The following SLC35F4 variants were observed in gnomAD, a reference collection of about 807,000 sequenced individuals.
The protein encoded by SLC35F4 is chromosome 14 open reading frame 36.
SLC35F4 carries 24 observed loss-of-function variants against 44.2 expected under a neutral mutation model. That is an observed-to-expected ratio of 0.54 (90% CI 0.39 to 0.76). The LOEUF (loss-of-function observed/expected upper bound fraction) is 0.76. SLC35F4 is among the 30% of genes least tolerant of loss of function. The pLI is 0.00. For synonymous variants in SLC35F4, 238 were observed against 223.6 expected, an observed-to-expected ratio of 1.06 and a Z score of -0.57; for missense variants, 562 against 586.1, an observed-to-expected ratio of 0.96 and a Z score of 0.42.
intron 1 of SLC35F4, among the ~76,000 whole-genome samples, chr14:57,968,410 A>G (rs1880955505): frequency 6.6e-6 from 1 of 152,202 alleles, no homozygotes; most frequent in South Asian, 2.1e-4. Context: ...CTGCTGTCTG[A>G]TACTCCACAG....
At chr14:57,785,334 G>A (rs1161387137) in intron 1 of SLC35F4, among the ~76,000 whole-genome samples, 2 of 152,004 alleles carry the variant, frequency 1.3e-5, no homozygotes, top group East Asian at 1.9e-4. Flanking sequence ...ATAGATAATC[G>A]AGCCCTCCAT....
chr14:57,634,586 G>A (rs569040679), intron 1 of SLC35F4, among the ~76,000 whole-genome samples: 243 of 152,264 alleles, frequency 1.6e-3, no homozygotes, highest in Admixed American at 3.5e-3. Flanking sequence ...CAGTGAGTGA[G>A]CGAGGAATTC....
intron 1 of SLC35F4, among the ~76,000 whole-genome samples, chr14:57,941,701 G>A (rs1239414155): frequency 6.6e-6 from 1 of 151,708 alleles, no homozygotes; most frequent in Non-Finnish European, 1.5e-5. Flanking sequence ...GCTAATTTCA[G>A]CTCAATTTAA....
intron 1 of SLC35F4, among the ~76,000 whole-genome samples, chr14:57,947,489 GA>G (rs1201120800): frequency 6.6e-6 from 1 of 152,128 alleles, no homozygotes; most frequent in Non-Finnish European, 1.5e-5. Context: ...GCAACAGTTT[GA>G]CTTCCTTTTT....
chr14:57,620,416 C>G (rs2072114814), intron 1 of SLC35F4, among the ~76,000 whole-genome samples: 1 of 152,116 alleles, frequency 6.6e-6, no homozygotes, highest in African/African-American at 2.4e-5. Flanking sequence ...ATTTTCAACC[C>G]AGAATTTCAT....
chr14:57,630,310 A>G (rs2072703974), intron 1 of SLC35F4: 1 of 575,062 alleles, frequency 1.7e-6, no homozygotes, highest in South Asian at 1.7e-5. Context: ...TCTGATTACA[A>G]CTATAGAAGG....
intron 1 of SLC35F4, among the ~76,000 whole-genome samples, chr14:57,667,823 A>G (rs1191874668): frequency 1.3e-5 from 2 of 151,086 alleles, no homozygotes; most frequent in Non-Finnish European, 2.9e-5. Flanking sequence ...TAGCAGCATG[A>G]TTTATAATTC....
At chr14:57,649,330 T>C (rs1313948917) in intron 1 of SLC35F4, among the ~76,000 whole-genome samples, 1 of 152,190 alleles carries the variant, frequency 6.6e-6, no homozygotes, top group Non-Finnish European at 1.5e-5. Flanking sequence ...CTACATTCCT[T>C]CTGGAGGTTC....
At chr14:57,727,494 CTTT>C (rs562362000) in intron 1 of SLC35F4, among the ~76,000 whole-genome samples, 1 of 144,966 alleles carries the variant, frequency 6.9e-6, no homozygotes, top group Non-Finnish European at 1.5e-5. Flanking sequence ...TTATTTTTAG[CTTT>C]TTTTTTTTCT....
chr14:57,765,881 A>G (rs2077222991), intron 1 of SLC35F4, among the ~76,000 whole-genome samples: 1 of 152,236 alleles, frequency 6.6e-6, no homozygotes, highest in African/African-American at 2.4e-5. Flanking sequence ...AATGCTCAGC[A>G]AAGGCCTGGT....
intron 1 of SLC35F4, among the ~76,000 whole-genome samples, chr14:57,711,584 C>A (rs2075819429): frequency 1.3e-5 from 2 of 151,602 alleles, no homozygotes. Flanking sequence ...CCAGAATTAA[C>A]ATACTGTTGA....
intron 1 of SLC35F4, among the ~76,000 whole-genome samples, chr14:57,915,550 G>A (rs1186023608): frequency 6.6e-6 from 1 of 152,140 alleles, no homozygotes; most frequent in Admixed American, 6.5e-5. Context: ...GCAGCAGACT[G>A]AATGCTTTGC....
Position 57,889,916 on chromosome 14 carries a change from T to A in SLC35F4, n.282+91997A>T, listed in dbSNP as rs574531944. On this transcript the variant is annotated intron_variant and non_coding_transcript_variant, in intron 1 of 1. Coordinates refer to the SLC35F4 transcript ENST00000556568. ...CAAGTGCCAAGCTTCAGGGATGCAG[T>A]GGAGAGCAAAACAGATAAGTTTTTA... 6.6e-5 allele frequency among the ~76,000 whole-genome samples: 10 copies of A among 152,246 alleles called. 1 individual carries two copies. Among genetic ancestry groups the A allele is most frequent in the African/African-American group, 2.2e-4 (9 of 41,552 alleles).
chr14:57,877,286 G>A (rs1249348645), intron 1 of SLC35F4, among the ~76,000 whole-genome samples: 1 of 152,120 alleles, frequency 6.6e-6, no homozygotes, highest in Non-Finnish European at 1.5e-5. Context: ...TGTGTTAATT[G>A]ACTTAGGGTA....
intron 1 of SLC35F4, among the ~76,000 whole-genome samples, chr14:57,946,519 G>C (rs1330935047): frequency 4.4e-5 from 6 of 135,370 alleles, no homozygotes; most frequent in Non-Finnish European, 7.6e-5. Context: ...CTGTCACCCA[G>C]GTTGGAGTGC....
At chr14:57,861,516 T>A (rs1887677813) in intron 1 of SLC35F4, among the ~76,000 whole-genome samples, 2 of 152,168 alleles carry the variant, frequency 1.3e-5, no homozygotes, top group African/African-American at 4.8e-5. Flanking sequence ...CTGCTCCCCT[T>A]TGCACAAAAA....
intron 1 of SLC35F4, among the ~76,000 whole-genome samples, chr14:57,852,106 A>C (rs1359803811): frequency 6.6e-6 from 1 of 152,232 alleles, no homozygotes; most frequent in Admixed American, 6.5e-5. Context: ...AATGGGCAGA[A>C]AAGCATTAAA....
chr14:57,979,330 T>C (rs1881309957), intron 1 of SLC35F4, among the ~76,000 whole-genome samples: 1 of 152,134 alleles, frequency 6.6e-6, no homozygotes. Flanking sequence ...GGACTTCATG[T>C]GAGAAAGAAA....
At chr14:57,783,687 A>G (rs1176662937) in intron 1 of SLC35F4, among the ~76,000 whole-genome samples, 3 of 152,196 alleles carry the variant, frequency 2.0e-5, no homozygotes, top group African/African-American at 7.2e-5. Context: ...CCTTGCCAGC[A>G]TGGGATGACC....
Sources: allele counts gnomAD v4.1 joint callset (sites outside exome capture counted in the v4.1 genomes callset), GRCh38; gene constraint gnomAD v4.1.1; transcripts MANE v1.5; gene names NCBI Gene and HGNC (gene_info 2026-07-23, HGNC 2026-07-21).